Variants in HIVEP3 observed in about 807,000 individuals in gnomAD.
HIVEP3 encodes HIVEP zinc finger 3.
A neutral mutation model predicts 152.8 loss-of-function variants in HIVEP3; 49 were observed. The observed-to-expected ratio is 0.32, with a 90% CI of 0.26 to 0.41. The LOEUF (loss-of-function observed/expected upper bound fraction) is 0.41, where lower values mean the gene tolerates loss of function less well. Among genes scored for constraint, HIVEP3 ranks in the 10% least tolerant of loss-of-function variants. HIVEP3 has a pLI of 1.00. For missense variants in HIVEP3, 2,790 were observed against 3,103.3 expected, an observed-to-expected ratio of 0.90 and a Z score of 2.40; for synonymous variants, 1,269 against 1,289.0, an observed-to-expected ratio of 0.98 and a Z score of 0.33.
At chr1:41,559,654 G>A (rs1644026199) in intron 5 of HIVEP3, among the ~76,000 whole-genome samples, 1 of 152,178 alleles carries the variant, frequency 6.6e-6, no homozygotes, top group Non-Finnish European at 1.5e-5. Flanking sequence ...ATCACATGTT[G>A]CCTCCTACTT....
intron 5 of HIVEP3, among the ~76,000 whole-genome samples, chr1:41,547,171 T>A (rs920317165): frequency 2.6e-5 from 4 of 152,176 alleles, no homozygotes; most frequent in African/African-American, 9.6e-5. Flanking sequence ...ACACTGAAGA[T>A]CATCCTGCCC....
chr1:41,615,306 G>A (rs1334754716), intron 3 of HIVEP3, among the ~76,000 whole-genome samples: 1 of 152,166 alleles, frequency 6.6e-6, no homozygotes, highest in Non-Finnish European at 1.5e-5. Context: ...TCTACTCATG[G>A]TTTATGTCCT....
In HIVEP3 at chr1:41,549,331, C is replaced by G. The variant is rs574108352; in HGVS notation, c.5208-24421G>C. On this transcript the variant is annotated intron_variant, in intron 5 of 8. Transcript: ENST00000372583. ...CTATTGTGAATAATGCCACAATAAACATATGTGTGCATGTGTCTTTATAGT... is the reference window on the plus strand; with the variant it reads ...CTATTGTGAATAATGCCACAATAAAGATATGTGTGCATGTGTCTTTATAGT... Among the ~76,000 whole-genome samples the G allele has an allele frequency of 1.2e-3, 177 of 152,294 alleles. 2 individuals are homozygous for G. Among genetic ancestry groups the G allele is most frequent in the Non-Finnish European group, 1.9e-3 (127 of 68,024 alleles).
chr1:41,762,830 G>A (rs1174385046), intron 1 of HIVEP3, among the ~76,000 whole-genome samples: 1 of 152,248 alleles, frequency 6.6e-6, no homozygotes, highest in Non-Finnish European at 1.5e-5. Flanking sequence ...TGGCAAAGCG[G>A]CACTGAAAAT....
chr1:41,944,167 T>C (rs1645062383), intron 1 of HIVEP3, among the ~76,000 whole-genome samples: 1 of 152,184 alleles, frequency 6.6e-6, no homozygotes, highest in Non-Finnish European at 1.5e-5. Context: ...AGTTTTAATT[T>C]TGTAAGATAT....
At chr1:41,841,445 T>C (rs547298932) in intron 1 of HIVEP3, among the ~76,000 whole-genome samples, 106 of 152,312 alleles carry the variant, frequency 7.0e-4, no homozygotes, top group African/African-American at 2.6e-3. Flanking sequence ...GAATGCTCTG[T>C]GAATATCAGT....
Position 41,513,365 on chromosome 1 carries a change from T to TTTC in HIVEP3, c.5853_5855dup (p.Lys1952dup), listed in dbSNP as rs1642502040. On this transcript the variant is annotated inframe_insertion, in exon 8 of 9. Coordinates refer to ENST00000372583, the MANE Select transcript of HIVEP3 (RefSeq NM_024503.5). ...TGTAGCTCAAGGCTGAGCCTGTGTC[T>TTTC]TTCTCCACAGAGCCCAGAGGGGCCG... The TTTC allele has an allele frequency of 6.2e-7, 1 of 1,612,416 alleles. No homozygotes were observed. Among genetic ancestry groups the TTTC allele is most frequent in the Non-Finnish European group, 8.5e-7 (1 of 1,179,738 alleles).
At chr1:41,937,001 TAA>T (rs960279098) in intron 1 of HIVEP3, among the ~76,000 whole-genome samples, 2 of 152,102 alleles carry the variant, frequency 1.3e-5, no homozygotes, top group African/African-American at 4.8e-5. Context: ...AAATCATAAA[TAA>T]AAATAAAACA....
intron 2 of HIVEP3, among the ~76,000 whole-genome samples, chr1:41,644,659 A>ACCC (rs926958469): frequency 1.4e-5 from 2 of 143,764 alleles, no homozygotes; most frequent in Non-Finnish European, 3.0e-5. Flanking sequence ...TGCCCATATA[A>ACCC]CCCAGGGATT....
At chr1:41,870,481 C>A (rs947508351) in intron 1 of HIVEP3, among the ~76,000 whole-genome samples, 17 of 152,166 alleles carry the variant, frequency 1.1e-4, no homozygotes, top group South Asian at 2.1e-4. Flanking sequence ...TTCCCAGCGC[C>A]TGACACAGTA....
At chr1:41,642,603 G>A (rs1645391984) in intron 2 of HIVEP3, among the ~76,000 whole-genome samples, 1 of 152,130 alleles carries the variant, frequency 6.6e-6, no homozygotes, top group African/African-American at 2.4e-5. Flanking sequence ...AATGTGTGTG[G>A]GCATCACAGA....
At chr1:42,009,508 C>G (rs1404188161) in intron 1 of HIVEP3, among the ~76,000 whole-genome samples, 1 of 152,292 alleles carries the variant, frequency 6.6e-6, no homozygotes, top group Middle Eastern at 3.4e-3. Context: ...TGCTTCCTTG[C>G]CCCAATTTCA....
intron 2 of HIVEP3, among the ~76,000 whole-genome samples, chr1:41,673,253 G>T (rs1230779031): frequency 6.6e-6 from 1 of 152,246 alleles, no homozygotes; most frequent in Non-Finnish European, 1.5e-5. Flanking sequence ...AACGACTGGG[G>T]TCTCCCAGAG....
At chr1:41,938,079 G>A (rs77891390) in intron 1 of HIVEP3, among the ~76,000 whole-genome samples, 207 of 152,244 alleles carry the variant, frequency 1.4e-3, no homozygotes, top group African/African-American at 4.4e-3. Flanking sequence ...CTTTCTGCAT[G>A]GAACACGCTT....
At position 41,581,718 on chromosome 1, in the gene HIVEP3, G is replaced by A. The variant is rs752767220; in HGVS notation, c.3080C>T (p.Ala1027Val). Residue 1027 changes from alanine (A) to valine (V), a missense_variant, in exon 4 of 9, where the codon GCC (alanine) becomes GTC (valine). Ala to Val is a moderately conservative substitution (Grantham distance 64, BLOSUM62 0). Around this residue, in one of 9 missense-constraint regions of HIVEP3, gnomAD observed 1,078 missense variants for 1,165.3 expected, o/e 0.93. Coordinates refer to ENST00000372583, the MANE Select transcript of HIVEP3 (RefSeq NM_024503.5). The surrounding 1 kb of genome is among the most constrained non-coding windows in gnomAD (Gnocchi z 4.5). ...SLSLTGPSAP[A>V]PVAPPARVAP... ...CACCCGCGCTGGTGGAGCCACTGGG[G>A]CTGGAGCAGAAGGGCCTGTCAAGGA... 2 of 1,612,122 alleles carry A rather than the reference G, an allele frequency of 1.2e-6. No homozygotes were observed. The highest frequency in any genetic ancestry group is 8.5e-7 in the Non-Finnish European group (1 of 1,179,238).
chr1:41,517,704 C>T (rs115007481), intron 7 of HIVEP3, among the ~76,000 whole-genome samples: 182 of 152,294 alleles, frequency 1.2e-3, no homozygotes, highest in African/African-American at 4.3e-3. Flanking sequence ...TGGCCACCTG[C>T]CTGACTGCTG....
intron 1 of HIVEP3, among the ~76,000 whole-genome samples, chr1:41,936,791 T>C (rs1645022279): frequency 6.6e-6 from 1 of 152,180 alleles, no homozygotes; most frequent in African/African-American, 2.4e-5. Flanking sequence ...TTTAAAGTAT[T>C]ATTATACTGG....
chr1:41,922,638 A>C (rs1281690258), upstream of HIVEP3, among the ~76,000 whole-genome samples: 2 of 152,208 alleles, frequency 1.3e-5, no homozygotes, highest in Non-Finnish European at 2.9e-5. Flanking sequence ...AATTGTTAGA[A>C]GTCTTGAAAG....
At chr1:42,009,438 G>C (rs1645480844) in intron 1 of HIVEP3, among the ~76,000 whole-genome samples, 1 of 152,112 alleles carries the variant, frequency 6.6e-6, no homozygotes, top group South Asian at 2.1e-4. Flanking sequence ...TTTACCCTCT[G>C]GCTCTACCCA....
Sources: gnomAD v4.1 joint callset for allele counts (sites outside exome capture counted in the v4.1 genomes callset) on GRCh38, gnomAD v4.1.1 for gene constraint, gnomAD v4.1.1 regional missense constraint, Gnocchi (gnomAD v3.1) non-coding constraint, MANE v1.5 for transcripts, NCBI Gene and HGNC (gene_info 2026-07-23, HGNC 2026-07-21) for gene names.